Variants in DCLK1 observed in about 807,000 individuals in gnomAD.
DCLK1 encodes the protein serine/threonine-protein kinase DCLK1.
DCLK1 carries 16 observed loss-of-function variants against 86.2 expected under a neutral mutation model. The observed-to-expected ratio is 0.19, with a 90% CI of 0.13 to 0.28. The LOEUF is 0.28. Among genes scored for constraint, DCLK1 ranks in the 10% least tolerant of loss-of-function variants. The probability of loss-of-function intolerance (pLI) is 1.00; values close to 1 mark genes in which losing one functional copy is unlikely to be tolerated. For missense variants in DCLK1, 590 were observed against 940.2 expected (o/e 0.63, Z 4.87); for synonymous variants, 369 against 370.5 (o/e 1.00, Z 0.05).
At chr13:35,958,145 C>T (rs897764964) in intron 3 of DCLK1, among the ~76,000 whole-genome samples, 16 of 146,572 alleles carry the variant, frequency 1.1e-4, no homozygotes, top group African/African-American at 2.3e-4. Context: ...TAACCACCAC[C>T]ACCACCACTA....
At chr13:36,085,622 T>C (rs967783210) in intron 3 of DCLK1, among the ~76,000 whole-genome samples, 1 of 152,204 alleles carries the variant, frequency 6.6e-6, no homozygotes, top group Non-Finnish European at 1.5e-5. Flanking sequence ...ATCAAGCTTC[T>C]AAATTACCAC....
chr13:35,824,352 A>AT (rs879514806), intron 10 of DCLK1, among the ~76,000 whole-genome samples: 161 of 151,702 alleles, frequency 1.1e-3, no homozygotes, highest in African/African-American at 3.5e-3. Flanking sequence ...AATTATTATT[A>AT]TTTTTTTTGT....
intron 5 of DCLK1, among the ~76,000 whole-genome samples, chr13:35,859,751 T>G (rs1297103896): frequency 1.3e-5 from 2 of 152,192 alleles, no homozygotes; most frequent in Non-Finnish European, 2.9e-5. Flanking sequence ...ACATGCTAGA[T>G]TCTTATTGCT....
chr13:35,923,925 C>A (rs1428695934), intron 4 of DCLK1, among the ~76,000 whole-genome samples: 1 of 152,164 alleles, frequency 6.6e-6, no homozygotes, highest in Non-Finnish European at 1.5e-5. Flanking sequence ...CTAAACTAGA[C>A]CCCCTTCTAG....
At chr13:35,914,200 T>C (rs1358638014) in intron 4 of DCLK1, among the ~76,000 whole-genome samples, 2 of 151,222 alleles carry the variant, frequency 1.3e-5, no homozygotes, top group African/African-American at 4.9e-5. Flanking sequence ...GTGCCTATAG[T>C]CCCAGCTACT....
At chr13:36,055,482 A>G (rs1412497110) in intron 3 of DCLK1, among the ~76,000 whole-genome samples, 1 of 152,182 alleles carries the variant, frequency 6.6e-6, no homozygotes, top group African/African-American at 2.4e-5. Context: ...ATTCTCTCTT[A>G]CTAAATTTTC....
At chr13:35,863,895 T>G (rs1871581577) in intron 5 of DCLK1, among the ~76,000 whole-genome samples, 1 of 152,186 alleles carries the variant, frequency 6.6e-6, no homozygotes, top group Non-Finnish European at 1.5e-5. Context: ...AAAGTAAAAT[T>G]TAAATAGCAT....
intron 7 of DCLK1, among the ~76,000 whole-genome samples, chr13:35,837,998 G>A (rs1869512037): frequency 6.7e-6 from 1 of 150,098 alleles, no homozygotes; most frequent in African/African-American, 2.5e-5. Context: ...CCTGGGAGGT[G>A]GAGGTTGCAG....
At chr13:35,798,984 G>A (rs2086864980) in intron 15 of DCLK1, among the ~76,000 whole-genome samples, 1 of 152,144 alleles carries the variant, frequency 6.6e-6, no homozygotes, top group South Asian at 2.1e-4. Context: ...GTGGGATATA[G>A]GAGGTAAACT....
intron 4 of DCLK1, among the ~76,000 whole-genome samples, chr13:35,879,915 C>T (rs74046118): frequency 0.042 from 6,345 of 152,228 alleles, 164 homozygotes; most frequent in Non-Finnish European, 0.059. Flanking sequence ...TGACCAAAAA[C>T]GTCCCCACAC....
chr13:35,894,989 C>T (rs1445664754), intron 4 of DCLK1, among the ~76,000 whole-genome samples: 1 of 152,152 alleles, frequency 6.6e-6, no homozygotes, highest in African/African-American at 2.4e-5. Context: ...CTCTGTTGCC[C>T]AGGCTGGAAT....
chr13:35,787,457 G>A (rs1273025025), intron 16 of DCLK1, among the ~76,000 whole-genome samples: 8 of 151,996 alleles, frequency 5.3e-5, no homozygotes, highest in Non-Finnish European at 8.8e-5. Context: ...TGAAGGAAAT[G>A]CCAGGGCAGT....
chr13:35,985,084 G>A (rs1879837148), intron 3 of DCLK1, among the ~76,000 whole-genome samples: 1 of 152,170 alleles, frequency 6.6e-6, no homozygotes, highest in African/African-American at 2.4e-5. Context: ...GTGAGTGTGT[G>A]CGCTTAAAAT....
intron 15 of DCLK1, among the ~76,000 whole-genome samples, chr13:35,804,295 T>A (rs1240487738): frequency 1.3e-5 from 1 of 79,596 alleles, no homozygotes. Context: ...CATGCCTAGC[T>A]ATTTTTTTTT....
intron 3 of DCLK1, among the ~76,000 whole-genome samples, chr13:35,981,692 T>C (rs1395030138): frequency 1.3e-5 from 2 of 152,248 alleles, no homozygotes; most frequent in Admixed American, 6.5e-5. Context: ...CATTCTTCTG[T>C]TGATGGACAC....
intron 3 of DCLK1, among the ~76,000 whole-genome samples, chr13:36,087,709 C>A (rs1408424561): frequency 6.6e-6 from 1 of 152,206 alleles, no homozygotes; most frequent in South Asian, 2.1e-4. Flanking sequence ...TCTCCCTCCT[C>A]TCCACTCTCT....
chr13:36,019,406 T>C (rs1417750671), intron 3 of DCLK1, among the ~76,000 whole-genome samples: 2 of 152,222 alleles, frequency 1.3e-5, no homozygotes, highest in Non-Finnish European at 2.9e-5. Flanking sequence ...GTGTAACTGA[T>C]AGATTAACAG....
chr13:36,089,353 T>C (rs569174422), intron 3 of DCLK1, among the ~76,000 whole-genome samples: 2 of 152,356 alleles, frequency 1.3e-5, no homozygotes, highest in African/African-American at 4.8e-5. Flanking sequence ...CTGCTAGGCC[T>C]GAACAGAAGC....
At chr13:36,040,259 T>G (rs1882652116) in intron 3 of DCLK1, among the ~76,000 whole-genome samples, 1 of 150,650 alleles carries the variant, frequency 6.6e-6, no homozygotes, top group Non-Finnish European at 1.5e-5. Flanking sequence ...TTAGTCGTTG[T>G]TTTCTTAGGG....
Sources: allele counts gnomAD v4.1 joint callset (sites outside exome capture counted in the v4.1 genomes callset), GRCh38; gene constraint gnomAD v4.1.1; transcripts MANE v1.5; gene names NCBI Gene and HGNC (gene_info 2026-07-23, HGNC 2026-07-21).